The following CREBBP variants were observed in gnomAD, a reference collection of about 807,000 sequenced individuals.
CREBBP encodes CREB binding lysine acetyltransferase.
A neutral mutation model predicts 265.0 loss-of-function variants in CREBBP; 19 were observed. The observed-to-expected ratio is 0.07, with a 90% CI of 0.05 to 0.11. CREBBP has a LOEUF of 0.11. Ranked by LOEUF, CREBBP falls within the 10% of genes least tolerant of loss-of-function variation. The probability of loss-of-function intolerance (pLI) is 1.00; values close to 1 mark genes in which losing one functional copy is unlikely to be tolerated. For synonymous variants in CREBBP, 1,457 were observed against 1,223.7 expected, an observed-to-expected ratio of 1.19 and a Z score of -3.98; for missense variants, 2,525 against 3,219.0, an observed-to-expected ratio of 0.78 and a Z score of 5.22.
intron 1 of CREBBP, among the ~76,000 whole-genome samples, chr16:3,854,428 C>G (rs942368952): frequency 2.0e-5 from 3 of 152,226 alleles, no homozygotes; most frequent in Non-Finnish European, 2.9e-5. Context: ...CATCTCTGAA[C>G]TGCTGAGTGA....
chr16:3,863,365 A>G (rs2055114835), intron 1 of CREBBP, among the ~76,000 whole-genome samples: 1 of 152,144 alleles, frequency 6.6e-6, no homozygotes. Flanking sequence ...TATTTTAGGA[A>G]GCCCAGGCAG....
intron 2 of CREBBP, among the ~76,000 whole-genome samples, chr16:3,841,475 A>T (rs574352026): frequency 3.0e-4 from 44 of 147,648 alleles, no homozygotes; most frequent in Middle Eastern, 6.8e-3. Flanking sequence ...TCAATTTTTT[A>T]AAAAAAATCA....
intron 11 of CREBBP, among the ~76,000 whole-genome samples, chr16:3,776,611 C>T (rs556354064): frequency 1.4e-4 from 22 of 152,284 alleles, no homozygotes; most frequent in African/African-American, 5.3e-4. Flanking sequence ...GTCTTGCATG[C>T]TTCTCCTTCT....
intron 1 of CREBBP, among the ~76,000 whole-genome samples, chr16:3,867,391 C>G (rs913874179): frequency 3.9e-5 from 6 of 152,064 alleles, no homozygotes; most frequent in Non-Finnish European, 7.4e-5. Flanking sequence ...ACTGCGGAGG[C>G]TGAAGTGGGA....
Position 3,880,121 on chromosome 16 carries a change from C to T in CREBBP, c.-205G>A, listed in dbSNP as rs1251270792. 1.1e-5 allele frequency: 2 copies of T among 181,028 alleles called. No homozygotes were observed. The highest frequency in any genetic ancestry group is 2.2e-5 in the Non-Finnish European group (2 of 89,520). 11.2% of individuals were successfully genotyped at this position (181,028 alleles called of 1,614,324 possible). ...CAGCCACAGCAACAGCGCCCCGCAG[C>T]GCTCACCGCCCGCCCCCGGCCGCCG... On this transcript the variant is annotated 5_prime_UTR_variant, in exon 1 of 31. Coordinates refer to ENST00000262367, the MANE Select transcript of CREBBP (RefSeq NM_004380.3).
intron 3 of CREBBP, among the ~76,000 whole-genome samples, chr16:3,803,700 ACT>A (rs1026839935): frequency 2.6e-5 from 4 of 151,932 alleles, no homozygotes; most frequent in Non-Finnish European, 5.9e-5. Context: ...CTCCCTCCCC[ACT>A]CTCTTCCTGG....
chr16:3,852,464 C>T (rs547489420), intron 1 of CREBBP, among the ~76,000 whole-genome samples: 1 of 152,102 alleles, frequency 6.6e-6, no homozygotes, highest in East Asian at 1.9e-4. Flanking sequence ...AGCCACCGTG[C>T]CCGGCCGATT....
At chr16:3,739,011 G>A (rs2052138613) in intron 25 of CREBBP, among the ~76,000 whole-genome samples, 1 of 152,202 alleles carries the variant, frequency 6.6e-6, no homozygotes, top group African/African-American at 2.4e-5. Flanking sequence ...CCACAGTGCT[G>A]TGATTGGCCA....
chr16:3,781,655 G>C (rs371036739), intron 6 of CREBBP, among the ~76,000 whole-genome samples: 137 of 152,214 alleles, frequency 9.0e-4, no homozygotes, highest in African/African-American at 3.2e-3. Context: ...GAGTGACTCA[G>C]CTGCACTGAC....
At chr16:3,803,325 C>G (rs1043359549) in intron 3 of CREBBP, among the ~76,000 whole-genome samples, 1 of 122,850 alleles carries the variant, frequency 8.1e-6, no homozygotes, top group Non-Finnish European at 1.6e-5. Flanking sequence ...GCCAACATGC[C>G]GAAACCCTGT....
At chr16:3,739,258 T>G (rs1017392208) in intron 25 of CREBBP, among the ~76,000 whole-genome samples, 5 of 152,226 alleles carry the variant, frequency 3.3e-5, no homozygotes, top group African/African-American at 1.2e-4. Context: ...TGACTGCACA[T>G]GAAGCCCTCG....
rs557384943 is a variant in CREBBP, at chr16:3,849,215, C to G, written c.798+1082G>C. 5.3e-4 allele frequency among the ~76,000 whole-genome samples: 19 copies of G among 35,536 alleles called. No individual in the cohort carries two copies. In the East Asian group the frequency reaches 0.019, roughly 35 times the overall value. 23.3% of individuals were successfully genotyped at this position (35,536 alleles called of 152,430 possible). On this transcript the variant is annotated intron_variant, in intron 2 of 30. Coordinates refer to ENST00000262367, the MANE Select transcript of CREBBP (RefSeq NM_004380.3). ...ACTTCAGTGGGAATAGGCTGCCCTT[C>G]CTTCTCTGTGCTCCTGTCAGTCCTG...
chr16:3,849,621 T>C (rs866320174), intron 2 of CREBBP, among the ~76,000 whole-genome samples: 22 of 148,280 alleles, frequency 1.5e-4, no homozygotes, highest in African/African-American at 4.5e-4. Flanking sequence ...TCCACCCACC[T>C]TGGCCTCCCA....
chr16:3,841,780 C>A (rs1249603057), intron 2 of CREBBP, among the ~76,000 whole-genome samples: 1 of 152,178 alleles, frequency 6.6e-6, no homozygotes, highest in African/African-American at 2.4e-5. Flanking sequence ...AGCACAGATT[C>A]TCAGAGTGTG....
intron 2 of CREBBP, among the ~76,000 whole-genome samples, chr16:3,840,292 A>G (rs62039107): frequency 0.21 from 32,492 of 152,150 alleles, 4,454 homozygotes; most frequent in Non-Finnish European, 0.31. Context: ...ATAGTTTCAC[A>G]CTTGTAATCC....
rs373959280 is a variant in CREBBP, at chr16:3,774,714, G to C, written c.2159-21C>G. On this transcript the variant is annotated intron_variant, in intron 11 of 30. Transcript: ENST00000262367. ...CATCCCTGTAAATGTACCCACAACG[G>C]TTCATTAGGAAAAGCACCCACAGGA... The C allele has an allele frequency of 1.9e-6, 3 of 1,614,038 alleles. No homozygotes were observed. The Admixed American group carries it at 5.0e-5, about 27-fold the overall frequency.
chr16:3,878,097 C>T (rs898804086), intron 1 of CREBBP, among the ~76,000 whole-genome samples: 5 of 152,178 alleles, frequency 3.3e-5, no homozygotes, highest in African/African-American at 1.2e-4. Context: ...CTAATTGTCC[C>T]CCTTTTTAAG....
chr16:3,836,010 C>T (rs1191354727), intron 2 of CREBBP, among the ~76,000 whole-genome samples: 1 of 152,052 alleles, frequency 6.6e-6, no homozygotes, highest in East Asian at 1.9e-4. Flanking sequence ...TAGTTCATGC[C>T]AACAACGTGG....
At chr16:3,814,180 TG>T (rs2053990746) in intron 2 of CREBBP, among the ~76,000 whole-genome samples, 1 of 149,490 alleles carries the variant, frequency 6.7e-6, no homozygotes, top group African/African-American at 2.5e-5. Flanking sequence ...TGTGTGTGTG[TG>T]TGTGTGTGTG....
Sources: allele counts gnomAD v4.1 joint callset (sites outside exome capture counted in the v4.1 genomes callset), GRCh38; gene constraint gnomAD v4.1.1; transcripts MANE v1.5; gene names NCBI Gene and HGNC (gene_info 2026-07-23, HGNC 2026-07-21).